The following SPRED2 variants were observed in gnomAD, a reference collection of about 807,000 sequenced individuals.
SPRED2 encodes sprouty related EVH1 domain containing 2.
In SPRED2, 47 loss-of-function variants were observed where a neutral mutation model predicts 43.0. That is an observed-to-expected ratio of 1.09 (90% CI 0.87 to 1.40). The LOEUF (loss-of-function observed/expected upper bound fraction) is 1.40, where lower values mean the gene tolerates loss of function less well. Ranked by LOEUF, SPRED2 falls within the 40% of genes most tolerant of loss-of-function variation. The probability of loss-of-function intolerance (pLI) is 0.00; values close to 1 mark genes in which losing one functional copy is unlikely to be tolerated. For synonymous variants in SPRED2, 225 were observed against 225.7 expected, an observed-to-expected ratio of 1.00 and a Z score of 0.03; for missense variants, 561 against 586.4, an observed-to-expected ratio of 0.96 and a Z score of 0.45.
intron 1 of SPRED2, chr2:65,378,059 C>G (rs1171162445): frequency 4.9e-6 from 1 of 203,122 alleles, no homozygotes; most frequent in Non-Finnish European, 1.0e-5. Flanking sequence ...GAGGAGAGAG[C>G]CCATCCAGTA....
intron 4 of SPRED2, among the ~76,000 whole-genome samples, chr2:65,317,678 G>C (rs1356728395): frequency 7.2e-5 from 11 of 152,136 alleles, no homozygotes; most frequent in Admixed American, 7.2e-4. Context: ...ATATGGAGGG[G>C]GGAAATCTCC....
intron 1 of SPRED2, chr2:65,378,153 T>C (rs1675289322): frequency 6.4e-6 from 1 of 155,512 alleles, no homozygotes; most frequent in Non-Finnish European, 1.4e-5. Flanking sequence ...GACAGTTTAA[T>C]TACCCTGGGG....
intron 2 of SPRED2, among the ~76,000 whole-genome samples, chr2:65,339,136 G>C (rs1674099186): frequency 7.6e-6 from 1 of 132,118 alleles, no homozygotes; most frequent in African/African-American, 3.1e-5. Context: ...CAGCCGCCCG[G>C]TCCAGGAGCT....
chr2:65,364,725 TG>T, intron 1 of SPRED2, among the ~76,000 whole-genome samples: 1 of 152,206 alleles, frequency 6.6e-6, no homozygotes, highest in Non-Finnish European at 1.5e-5. Flanking sequence ...TTAAAATAAA[TG>T]TTTTTTTTAT....
At chr2:65,422,112 T>TCTCTCTCC (rs1558693008) in intron 1 of SPRED2, among the ~76,000 whole-genome samples, 2 of 90,706 alleles carry the variant, frequency 2.2e-5, no homozygotes, top group Non-Finnish European at 5.3e-5. Context: ...ACACTCTCTC[T>TCTCTCTCC]CTCTCTCTCT....
intron 1 of SPRED2, among the ~76,000 whole-genome samples, chr2:65,366,153 C>T (rs766923121): frequency 2.0e-5 from 3 of 152,184 alleles, no homozygotes; most frequent in East Asian, 3.8e-4. Flanking sequence ...AGAAATCCAA[C>T]GTAACACAAT....
At chr2:65,355,390 G>A (rs1255418819) in intron 1 of SPRED2, among the ~76,000 whole-genome samples, 9 of 152,090 alleles carry the variant, frequency 5.9e-5, no homozygotes, top group Admixed American at 5.9e-4. Flanking sequence ...ACGAAAACAC[G>A]AATGGCTCTG....
At chr2:65,382,356 G>C (rs1038745948) in intron 1 of SPRED2, among the ~76,000 whole-genome samples, 3 of 152,200 alleles carry the variant, frequency 2.0e-5, no homozygotes, top group African/African-American at 7.2e-5. Context: ...AGGATTTTTA[G>C]AAATTCTTGC....
At chr2:65,353,879 T>C (rs1257632122) in intron 1 of SPRED2, among the ~76,000 whole-genome samples, 1 of 152,180 alleles carries the variant, frequency 6.6e-6, no homozygotes, top group Non-Finnish European at 1.5e-5. Flanking sequence ...TCTGGCACAT[T>C]ATCTTGCACC....
At chr2:65,411,518 A>G (rs1422702130) in intron 1 of SPRED2, among the ~76,000 whole-genome samples, 1 of 152,188 alleles carries the variant, frequency 6.6e-6, no homozygotes, top group Non-Finnish European at 1.5e-5. Context: ...AAATGGCTTG[A>G]AGGGACTTGT....
chr2:65,332,507 C>T (rs7581149), intron 3 of SPRED2, among the ~76,000 whole-genome samples: 100,880 of 152,112 alleles, frequency 0.66, 34,080 homozygotes, highest in African/African-American at 0.79. Context: ...GGTCTTTTCA[C>T]CTACCAATGA....
At chr2:65,430,755 T>C (rs2103826346) in intron 1 of SPRED2, among the ~76,000 whole-genome samples, 1 of 152,066 alleles carries the variant, frequency 6.6e-6, no homozygotes, top group Non-Finnish European at 1.5e-5. Flanking sequence ...GCCGCTACCT[T>C]GGCTAATGGC....
downstream of SPRED2, chr2:65,308,182 A>G: frequency 2.1e-6 from 1 of 485,864 alleles, no homozygotes; most frequent in African/African-American, 2.1e-5. Context: ...GCAGGAGGCG[A>G]CCCCAAAGGC....
downstream of SPRED2, chr2:65,310,816 C>A: frequency 1.1e-6 from 1 of 950,848 alleles, no homozygotes; most frequent in Non-Finnish European, 1.3e-6. Flanking sequence ...AGCATCACCT[C>A]GTCTCCTGCC....
chr2:65,315,271 A>G (rs140063676), intron 5 of SPRED2, among the ~76,000 whole-genome samples: 10 of 150,022 alleles, frequency 6.7e-5, no homozygotes, highest in African/African-American at 2.5e-4. Context: ...AGTACCTAAG[A>G]CTCAGGTTCC....
intron 1 of SPRED2, among the ~76,000 whole-genome samples, chr2:65,417,527 C>A (rs1191191315): frequency 6.6e-6 from 1 of 152,220 alleles, no homozygotes; most frequent in African/African-American, 2.4e-5. Flanking sequence ...GGCTAGCCAT[C>A]TGTTCAATGC....
chr2:65,316,553 G>A (rs776657583), intron 5 of SPRED2, among the ~76,000 whole-genome samples, 181 bp downstream of exon 5: 2 of 152,214 alleles, frequency 1.3e-5, no homozygotes, highest in African/African-American at 2.4e-5. Context: ...CTGGCACACA[G>A]AAAACACTGG....
chr2:65,334,234 C>T (rs1458912759), intron 3 of SPRED2: 1 of 473,470 alleles, frequency 2.1e-6, no homozygotes, highest in Non-Finnish European at 4.4e-6. Context: ...GGCCAGGAGC[C>T]TTCTGGGCCC....
chr2:65,350,488 C>T (rs759750366), intron 1 of SPRED2, among the ~76,000 whole-genome samples: 14 of 152,062 alleles, frequency 9.2e-5, no homozygotes, highest in Admixed American at 1.3e-4. Context: ...TGGTGTTGGA[C>T]GACCAGCCCT....
Sources: allele counts gnomAD v4.1 joint callset (sites outside exome capture counted in the v4.1 genomes callset), GRCh38; gene constraint gnomAD v4.1.1; transcripts MANE v1.5; gene names NCBI Gene and HGNC (gene_info 2026-07-23, HGNC 2026-07-21).